The following AGBL5 variants were observed in gnomAD, a reference collection of about 807,000 sequenced individuals.
The protein encoded by AGBL5 is AGBL carboxypeptidase 5, also known as cytosolic carboxypeptidase-like protein 5.
Under a neutral mutation model 88.0 loss-of-function variants are expected in AGBL5, and 51 were observed. The ratio of observed to expected loss-of-function variants is 0.58; its 90% CI spans 0.46 to 0.73. The LOEUF is 0.73. Among genes scored for constraint, AGBL5 ranks in the 30% least tolerant of loss-of-function variants. The pLI is 0.00. For synonymous variants in AGBL5, 446 were observed against 438.8 expected, an observed-to-expected ratio of 1.02 and a Z score of -0.21; for missense variants, 1,031 against 1,162.2, an observed-to-expected ratio of 0.89 and a Z score of 1.64.
At chr2:27,051,071 A>G (rs1668089045), upstream of AGBL5, 1 of 152,246 alleles carries the variant, frequency 6.6e-6, no homozygotes, top group African/African-American at 2.4e-5. Flanking sequence ...GCACACGATT[A>G]TATGCTTGAT....
At chr2:27,069,472 C>T (rs1669166334) in intron 13 of AGBL5, 101 bp from the exon 14 acceptor site, 1 of 1,545,712 alleles carries the variant, frequency 6.5e-7, no homozygotes. Context: ...CTACTGATCC[C>T]TATACTACAA....
chr2:27,053,151 A>G lies in AGBL5; in HGVS notation c.193A>G (p.Thr65Ala). Reference protein sequence around the residue: ...NVWTRPDCAETEFENGNRSWF... With the variant: ...NVWTRPDCAEAEFENGNRSWF... The stretch of plus-strand genomic sequence containing the variant: ...GTGGACCCGACCAGACTGTGCTGAA[A>G]CGGAATTTGAGAATGGGAACAGGTA... Residue 65 changes from threonine to alanine, a missense_variant, in exon 2 of 15, where the codon ACG becomes GCG. Coordinates refer to ENST00000360131, the MANE Select transcript of AGBL5 (RefSeq NM_021831.6). This position sits in a 1 kb window ranked among gnomAD's most constrained non-coding sequence, Gnocchi z 4.9. The G allele has an allele frequency of 6.2e-7, 1 of 1,601,108 alleles. No homozygotes were observed. Among genetic ancestry groups the G allele is most frequent in the Non-Finnish European group, 8.5e-7 (1 of 1,172,208 alleles).
chr2:27,063,339 T>G (rs1433848707), intron 11 of AGBL5, among the ~76,000 whole-genome samples: 1 of 151,636 alleles, frequency 6.6e-6, no homozygotes, highest in Non-Finnish European at 1.5e-5. Flanking sequence ...ACGCCTGTAA[T>G]CCCAGCACTT....
intron 6 of AGBL5, 74 bp from the exon 7 acceptor site, chr2:27,055,608 C>T (rs1668387138): frequency 2.2e-6 from 3 of 1,385,720 alleles, no homozygotes; most frequent in Non-Finnish European, 3.0e-6. Flanking sequence ...CTACGGTCTC[C>T]TTTTCATCTA....
intron 11 of AGBL5, chr2:27,059,684 A>G: frequency 1.6e-6 from 1 of 623,302 alleles, no homozygotes; most frequent in South Asian, 2.3e-5. Flanking sequence ...TAGCTGAAGC[A>G]GTGCCAAACA....
At chr2:27,068,419 T>G (rs530654692) in intron 12 of AGBL5, among the ~76,000 whole-genome samples, 1 of 152,276 alleles carries the variant, frequency 6.6e-6, no homozygotes, top group African/African-American at 2.4e-5. Context: ...TTTTGGTTGT[T>G]ACACTGAGGA....
At chr2:27,065,626 T>G (rs1668947785) in intron 11 of AGBL5, among the ~76,000 whole-genome samples, 1 of 152,224 alleles carries the variant, frequency 6.6e-6, no homozygotes, top group Non-Finnish European at 1.5e-5. Flanking sequence ...GTATGTGCCT[T>G]TAAGTACTTT....
In AGBL5 at chr2:27,053,541, T is replaced by C; in HGVS notation, c.355T>C (p.Trp119Arg). The C allele has an allele frequency of 6.2e-7, 1 of 1,613,830 alleles. No homozygotes were observed. Among genetic ancestry groups the C allele is most frequent in the East Asian group, 2.2e-5 (1 of 44,884 alleles). ...FVRTLPTRPR[W>R]ERIRDRPTFE... Reference sequence around the variant, plus strand: ...GCGCACACTGCCCACCCGGCCACGCTGGGAACGCATTCGAGACCGGCCCAC... The same window carrying C: ...GCGCACACTGCCCACCCGGCCACGCCGGGAACGCATTCGAGACCGGCCCAC... The change falls in exon 3 of 15, where the codon TGG (tryptophan) becomes CGG (arginine). Residue 119 changes from tryptophan to arginine, a missense_variant. Transcript: ENST00000360131. This position sits in a 1 kb window ranked among gnomAD's most constrained non-coding sequence, Gnocchi z 4.9.
chr2:27,067,248 C>T (rs1669032985), intron 11 of AGBL5, among the ~76,000 whole-genome samples: 2 of 129,870 alleles, frequency 1.5e-5, no homozygotes, highest in Non-Finnish European at 3.2e-5. Flanking sequence ...AGAGTGGAAA[C>T]CTTTAAAAAA....
intron 11 of AGBL5, among the ~76,000 whole-genome samples, chr2:27,063,104 G>A (rs1162294044): frequency 6.6e-6 from 1 of 152,204 alleles, no homozygotes; most frequent in Non-Finnish European, 1.5e-5. Flanking sequence ...AAGGGGGCAG[G>A]ATTCAGTGAT....
intron 10 of AGBL5, 96 bp from the exon 11 acceptor site, chr2:27,059,094 C>A: frequency 3.2e-6 from 4 of 1,252,258 alleles, no homozygotes; most frequent in African/African-American, 1.5e-5. Context: ...TGCCTTTTTA[C>A]CCCAGAGGTG....
chr2:27,067,625 C>T lies in AGBL5; in HGVS notation c.2221C>T (p.Pro741Ser), dbSNP rs2148303705. The T allele has an allele frequency of 6.2e-7, 1 of 1,613,102 alleles. No individual in the cohort carries two copies. The highest frequency in any genetic ancestry group is 1.7e-5 in the Admixed American group (1 of 59,970). The change falls in exon 12 of 15, where the codon CCT (proline) becomes TCT (serine). Residue 741 changes from proline (P) to serine (S), a missense_variant. By Grantham distance (74) the Pro-to-Ser change is moderately conservative. This residue lies in a region of AGBL5 where 491 missense variants were observed against 484.0 expected (regional missense o/e 1.01). Transcript: ENST00000360131. ...ACACAAGCTGGGCTCCTGTCTACTG[C>T]CTGATTCATTCAACATACCAGGTCT... The part of the protein sequence containing the change: ...SSHKLGSCLL[P>S]DSFNIPGSSC...
At position 27,056,038 on chromosome 2, in the gene AGBL5, C is replaced by A. The variant is rs140111286; in HGVS notation, c.1265C>A (p.Pro422His). 103 of 1,614,094 alleles carry A rather than the reference C, an allele frequency of 6.4e-5. No homozygotes were observed. The highest frequency in any genetic ancestry group is 1.6e-4 in the Middle Eastern group (1 of 6,084). Residue 422 changes from proline (P) to histidine (H), a missense_variant, in exon 7 of 15, where the codon CCC becomes CAC. Pro to His is a moderately conservative substitution (Grantham distance 77, BLOSUM62 -2). Coordinates refer to ENST00000360131, the MANE Select transcript of AGBL5 (RefSeq NM_021831.6). ...LEESAPDTIP[P>H]KESGVAYYVD... ...GAGTCAGCCCCTGATACCATCCCCC[C>A]CAAAGAGAGTGGCGTTGCTTACTAT...
In AGBL5 at chr2:27,053,267, T is replaced by TC; in HGVS notation, c.215+96dup. 6.6e-7 allele frequency: 1 copy of TC among 1,519,762 alleles called. No homozygotes were observed. The highest frequency in any genetic ancestry group is 1.3e-5 in the South Asian group (1 of 78,104). 94.1% of individuals were successfully genotyped at this position (1,519,762 alleles called of 1,614,324 possible). ...CTGTTCATACCCAGCATACTCCCTGTCCATTTCTGACCCATCGTCCCTCCT... is the reference window on the plus strand; with the variant it reads ...CTGTTCATACCCAGCATACTCCCTGTCCCATTTCTGACCCATCGTCCCTCCT... On this transcript the variant is annotated intron_variant, in intron 2 of 14. Coordinates refer to ENST00000360131, the MANE Select transcript of AGBL5 (RefSeq NM_021831.6). This position sits in a 1 kb window ranked among gnomAD's most constrained non-coding sequence, Gnocchi z 4.9.
chr2:27,056,724 T>C lies in AGBL5; in HGVS notation c.1467T>C (p.Arg489=), dbSNP rs771617411. 16 of 1,613,514 alleles carry C rather than the reference T, an allele frequency of 9.9e-6. No homozygotes were observed. The East Asian group carries it at 2.0e-4, about 20-fold the overall frequency. ...FSEKNMYARD[R]RDGQSKEGSG... is the part of the protein sequence containing the mutation. Reference sequence around the variant, plus strand: ...AGAAGAATATGTATGCCCGAGACCGTAGAGATGGCCAGTCTAAAGAGGGAA... The same window carrying C: ...AGAAGAATATGTATGCCCGAGACCGCAGAGATGGCCAGTCTAAAGAGGGAA... The change falls in exon 8 of 15, where the codon CGT becomes CGC. Residue 489 remains arginine, a synonymous_variant. Transcript: ENST00000360131.
In AGBL5 at chr2:27,065,200, G is replaced by A. The variant is rs537951678; in HGVS notation, c.2090-2294G>A. 1.2e-4 allele frequency among the ~76,000 whole-genome samples: 19 copies of A among 152,284 alleles called. No homozygotes were observed. In the South Asian group the frequency reaches 3.9e-3, roughly 32 times the overall value. On this transcript the variant is annotated intron_variant, in intron 11 of 14. Coordinates refer to ENST00000360131, the MANE Select transcript of AGBL5 (RefSeq NM_021831.6). ...GTCAGTTGGCATGCTGGCACCTCTG[G>A]TGAATTCAGTTCTATGAAAAGTTAA...
intron 11 of AGBL5, chr2:27,062,690 T>C (rs987033864): frequency 1.3e-5 from 2 of 152,202 alleles, no homozygotes; most frequent in African/African-American, 4.8e-5. Context: ...CTGTGGTGGA[T>C]AAACACAAGA....
upstream of AGBL5, among the ~76,000 whole-genome samples, chr2:27,051,185 A>G (rs1199118836): frequency 1.3e-5 from 2 of 152,208 alleles, no homozygotes; most frequent in African/African-American, 4.8e-5. Flanking sequence ...TGAACCTGTA[A>G]GGCAAAGGGA....
chr2:27,058,332 T>C, intron 9 of AGBL5, 68 bp from the exon 10 acceptor site: 1 of 1,572,268 alleles, frequency 6.4e-7, no homozygotes, highest in Non-Finnish European at 8.7e-7. Context: ...CTGTGCTGTG[T>C]ACCCACCCCA....
Sources: gnomAD v4.1 joint callset for allele counts (sites outside exome capture counted in the v4.1 genomes callset) on GRCh38, gnomAD v4.1.1 for gene constraint, gnomAD v4.1.1 regional missense constraint, Gnocchi (gnomAD v3.1) non-coding constraint, MANE v1.5 for transcripts, NCBI Gene and HGNC (gene_info 2026-07-23, HGNC 2026-07-21) for gene names.